The following TENM4 variants were observed in gnomAD, a reference collection of about 807,000 sequenced individuals.
TENM4 encodes teneurin transmembrane protein 4.
A neutral mutation model predicts 243.3 loss-of-function variants in TENM4; 82 were observed. That is an observed-to-expected ratio of 0.34 (90% CI 0.28 to 0.40). TENM4 has a LOEUF of 0.40. Ranked by LOEUF, TENM4 falls within the 10% of genes least tolerant of loss-of-function variation. The pLI, the probability that TENM4 is intolerant of heterozygous loss-of-function variation, is 1.00. For synonymous variants in TENM4, 1,412 were observed against 1,456.3 expected (o/e 0.97, Z 0.69); for missense variants, 3,138 against 3,673.3 (o/e 0.85, Z 3.77).
In TENM4 at chr11:78,657,660, C is replaced by A; in HGVS notation, c.*398G>T. The A allele has an allele frequency of 2.7e-6, 1 of 369,814 alleles. No individual in the cohort carries two copies. Among genetic ancestry groups the A allele is most frequent in the African/African-American group, 2.1e-5 (1 of 47,964 alleles). 22.9% of individuals were successfully genotyped at this position (369,814 alleles called of 1,614,324 possible). ...ACCCCAGTCGAAGAAGAAAGGGTTG[C>A]ACATGAGACAAGTTAGCACAGACAT... On this transcript the variant is annotated 3_prime_UTR_variant, in exon 34 of 34. Coordinates refer to ENST00000278550, the MANE Select transcript of TENM4 (RefSeq NM_001098816.3).
At chr11:78,761,710 C>T (rs147542139) in intron 18 of TENM4, among the ~76,000 whole-genome samples, 12 of 152,238 alleles carry the variant, frequency 7.9e-5, no homozygotes, top group African/African-American at 2.6e-4. Flanking sequence ...CCCCCCAGCC[C>T]CGACAAGCCA....
chr11:79,260,124 G>A lies in TENM4; in HGVS notation c.-265+37364C>T, dbSNP rs905112810. Among the ~76,000 whole-genome samples, 9 of 152,330 alleles carry A rather than the reference G, an allele frequency of 5.9e-5. No homozygotes were observed. The East Asian group carries it at 1.7e-3, about 29-fold the overall frequency. On this transcript the variant is annotated intron_variant, in intron 2 of 33. Coordinates refer to ENST00000278550, the MANE Select transcript of TENM4 (RefSeq NM_001098816.3). ...ATAGTTGTACATCTGTTTCTCATGT[G>A]AGAATAGATATTGTTGTGACAAAAT...
chr11:79,086,978 T>A (rs1283888168), intron 4 of TENM4, among the ~76,000 whole-genome samples: 1 of 152,206 alleles, frequency 6.6e-6, no homozygotes, highest in Non-Finnish European at 1.5e-5. Context: ...TTTGATAACT[T>A]ACCAAAATTA....
At chr11:78,666,050 G>T (rs1858149631) in intron 32 of TENM4, among the ~76,000 whole-genome samples, 1 of 104,014 alleles carries the variant, frequency 9.6e-6, no homozygotes, top group South Asian at 2.7e-4. Flanking sequence ...GGGAAAAAAA[G>T]AATTTTTTTT....
chr11:79,277,314 T>C (rs547561701), intron 2 of TENM4, among the ~76,000 whole-genome samples: 6 of 152,358 alleles, frequency 3.9e-5, no homozygotes, highest in Admixed American at 3.9e-4. Context: ...CTAACAGTTG[T>C]TGACGATTTA....
intron 6 of TENM4, among the ~76,000 whole-genome samples, chr11:78,922,018 TG>T (rs1174289438): frequency 1.3e-5 from 2 of 152,242 alleles, no homozygotes; most frequent in Non-Finnish European, 2.9e-5. Context: ...GTGTGGGAAC[TG>T]CTGGCACCCA....
intron 6 of TENM4, among the ~76,000 whole-genome samples, chr11:78,999,379 G>GGTGGT (rs1223052140): frequency 3.9e-5 from 6 of 152,028 alleles, no homozygotes; most frequent in African/African-American, 1.4e-4. Flanking sequence ...AGCCAGGCGT[G>GGTGGT]GTGGTGTGCG....
At chr11:78,802,578 G>A (rs971278474) in intron 15 of TENM4, among the ~76,000 whole-genome samples, 1 of 152,250 alleles carries the variant, frequency 6.6e-6, no homozygotes, top group Non-Finnish European at 1.5e-5. Context: ...CTGCCCCAGC[G>A]TGGGGCCAAG....
intron 19 of TENM4, among the ~76,000 whole-genome samples, chr11:78,748,358 G>T (rs945877754): frequency 7.9e-5 from 12 of 152,202 alleles, no homozygotes; most frequent in Non-Finnish European, 1.3e-4. Flanking sequence ...ACTTGTCTAA[G>T]GTCACACAGC....
At chr11:78,780,130 G>A (rs943179502) in intron 16 of TENM4, among the ~76,000 whole-genome samples, 2 of 152,204 alleles carry the variant, frequency 1.3e-5, no homozygotes, top group Non-Finnish European at 2.9e-5. Flanking sequence ...ACATGAAAGA[G>A]AGTACTTATT....
intron 1 of TENM4, among the ~76,000 whole-genome samples, chr11:79,430,884 G>C (rs1859153673): frequency 6.6e-6 from 1 of 152,102 alleles, no homozygotes; most frequent in African/African-American, 2.4e-5. Flanking sequence ...TTTAACATTA[G>C]AAAGAACATC....
chr11:78,805,347 C>A lies in TENM4; in HGVS notation c.2124G>T (p.Pro708=). Residue 708 remains proline, a synonymous_variant, in exon 15 of 34, where the codon CCG becomes CCT. Transcript: ENST00000278550. ...DQCSGHGTFL[P]DTGLCSCDPS... is the part of the protein sequence containing the mutation. ...GGTCACAGCTGCAAAGCCCGGTGTCCGGGAGGAAGGTTCCGTGGCCTGAAC... is the reference window on the plus strand; with the variant it reads ...GGTCACAGCTGCAAAGCCCGGTGTCAGGGAGGAAGGTTCCGTGGCCTGAAC... The A allele has an allele frequency of 1.2e-6, 2 of 1,612,286 alleles. No homozygotes were observed. Among genetic ancestry groups the A allele is most frequent in the South Asian group, 2.2e-5 (2 of 90,364 alleles).
At chr11:78,664,755 A>G (rs141491476) in intron 32 of TENM4, among the ~76,000 whole-genome samples, 1 of 152,324 alleles carries the variant, frequency 6.6e-6, no homozygotes, top group East Asian at 1.9e-4. Context: ...ACAGAACAGG[A>G]GGAAAAAATG....
At chr11:78,765,639 A>G (rs556260879) in intron 18 of TENM4, among the ~76,000 whole-genome samples, 6 of 152,342 alleles carry the variant, frequency 3.9e-5, no homozygotes, top group Admixed American at 6.5e-5. Context: ...GGCTTTTTAA[A>G]AAGCATAGGT....
At chr11:79,292,455 T>C (rs1232215839) in intron 2 of TENM4, among the ~76,000 whole-genome samples, 1 of 152,254 alleles carries the variant, frequency 6.6e-6, no homozygotes, top group African/African-American at 2.4e-5. Context: ...ACCCTTTTCT[T>C]GCTAATTCTA....
chr11:79,008,999 T>C (rs1858571777), intron 6 of TENM4, among the ~76,000 whole-genome samples: 1 of 152,182 alleles, frequency 6.6e-6, no homozygotes, highest in Non-Finnish European at 1.5e-5. Flanking sequence ...GTTTGCATTT[T>C]TGGATTAATA....
intron 15 of TENM4, among the ~76,000 whole-genome samples, chr11:78,803,758 T>A (rs1857331910): frequency 6.6e-6 from 1 of 152,236 alleles, no homozygotes; most frequent in African/African-American, 2.4e-5. Flanking sequence ...CAAGACGCAG[T>A]TATATACCTA....
At position 79,018,663 on chromosome 11, in the gene TENM4, C is replaced by T. The variant is rs79265467; in HGVS notation, c.493+46075G>A. 6.7e-3 allele frequency among the ~76,000 whole-genome samples: 1,019 copies of T among 152,108 alleles called. 11 individuals carry two copies. Among genetic ancestry groups the T allele is most frequent in the African/African-American group, 0.023 (957 of 41,488 alleles). On this transcript the variant is annotated intron_variant, in intron 6 of 33. Transcript: ENST00000278550. ...ACTCAGAAGAGGTTTACTTACTTCCCGGAGACCTCTCCCCCACGCTTATTT... is the reference window on the plus strand; with the variant it reads ...ACTCAGAAGAGGTTTACTTACTTCCTGGAGACCTCTCCCCCACGCTTATTT...
chr11:78,917,980 A>G (rs1385875180), intron 6 of TENM4, among the ~76,000 whole-genome samples: 12 of 152,162 alleles, frequency 7.9e-5, no homozygotes, highest in African/African-American at 1.9e-4. Flanking sequence ...GTACTCACCT[A>G]ATGTTAGCTA....
Sources: allele counts gnomAD v4.1 joint callset (sites outside exome capture counted in the v4.1 genomes callset), GRCh38; gene constraint gnomAD v4.1.1; transcripts MANE v1.5; gene names NCBI Gene and HGNC (gene_info 2026-07-23, HGNC 2026-07-21).